Variants in SMAD9 observed in about 807,000 individuals in gnomAD.
SMAD9 encodes MAD homolog 9.
SMAD9 carries 36 observed loss-of-function variants against 46.1 expected under a neutral mutation model. That is an observed-to-expected ratio of 0.78 (90% CI 0.60 to 1.03). The LOEUF (loss-of-function observed/expected upper bound fraction) is 1.03, where lower values mean the gene tolerates loss of function less well. Among genes scored for constraint, SMAD9 ranks in the 50% least tolerant of loss-of-function variants. The pLI, the probability that SMAD9 is intolerant of heterozygous loss-of-function variation, is 0.00. For missense variants in SMAD9, 572 were observed against 599.8 expected (o/e 0.95, Z 0.48); for synonymous variants, 245 against 237.1 (o/e 1.03, Z -0.31).
chr13:36,910,678 C>T (rs1489115736), intron 1 of SMAD9, among the ~76,000 whole-genome samples: 1 of 152,182 alleles, frequency 6.6e-6, no homozygotes, highest in African/African-American at 2.4e-5. Flanking sequence ...ATCTTTCCTG[C>T]TCCTTCTTCA....
intron 1 of SMAD9, among the ~76,000 whole-genome samples, chr13:36,902,016 CTTTT>C (rs1301812861): frequency 6.6e-6 from 1 of 152,008 alleles, no homozygotes; most frequent in African/African-American, 2.4e-5. Context: ...AAATCTTTTT[CTTTT>C]GTTATTCATG....
At chr13:36,892,520 T>A (rs2058496080) in intron 1 of SMAD9, among the ~76,000 whole-genome samples, 2 of 152,214 alleles carry the variant, frequency 1.3e-5, no homozygotes, top group Admixed American at 6.5e-5. Context: ...TCAACCAAAA[T>A]TTTCCACTAA....
intron 6 of SMAD9, chr13:36,849,815 A>T (rs592492): frequency 0.065 from 9,851 of 152,124 alleles, 636 homozygotes; most frequent in African/African-American, 0.16. Flanking sequence ...TCCACCCATT[A>T]ATGCACTCTC....
At chr13:36,901,666 G>C (rs916596782) in intron 1 of SMAD9, among the ~76,000 whole-genome samples, 16 of 152,272 alleles carry the variant, frequency 1.1e-4, no homozygotes, top group African/African-American at 3.9e-4. Context: ...AGCCTCAAAT[G>C]ATCTCCCTGC....
Position 36,846,324 on chromosome 13 carries a change from T to C in SMAD9, c.*2352A>G, listed in dbSNP as rs1258786366. ...GGTGAAACCCCGTCTCTACTAAAAATATAAAAATTAGCTGGGCGTGGTAGC... is the reference window on the plus strand; with the variant it reads ...GGTGAAACCCCGTCTCTACTAAAAACATAAAAATTAGCTGGGCGTGGTAGC... On this transcript the variant is annotated 3_prime_UTR_variant, in exon 7 of 7. Coordinates refer to ENST00000379826, the MANE Select transcript of SMAD9 (RefSeq NM_001127217.3). The C allele has an allele frequency of 1.3e-5, 2 of 151,222 alleles. No individual in the cohort carries two copies. Among genetic ancestry groups the C allele is most frequent in the Non-Finnish European group, 2.9e-5 (2 of 67,814 alleles). 9.4% of individuals were successfully genotyped at this position (151,222 alleles called of 1,614,324 possible).
chr13:36,914,704 A>T (rs1048025448), intron 1 of SMAD9, among the ~76,000 whole-genome samples: 7 of 152,184 alleles, frequency 4.6e-5, no homozygotes, highest in Non-Finnish European at 1.0e-4. Context: ...TGGGAAACTG[A>T]TGGAATCTGT....
intron 1 of SMAD9, among the ~76,000 whole-genome samples, chr13:36,887,668 T>C (rs554142180): frequency 6.6e-6 from 1 of 152,090 alleles, no homozygotes; most frequent in African/African-American, 2.4e-5. Context: ...GTAAGGTCAG[T>C]GTGGTGTGTT....
In SMAD9 at chr13:36,877,483, T is replaced by G. The variant is rs2058356504; in HGVS notation, c.412+1795A>C. ...CAAGTTGTTAAATTTTACAACTACA[T>G]TATTCAGGAAGACAGAAATGATTTA... On this transcript the variant is annotated intron_variant, in intron 2 of 6. Coordinates refer to ENST00000379826, the MANE Select transcript of SMAD9 (RefSeq NM_001127217.3). Among the ~76,000 whole-genome samples the G allele has an allele frequency of 2.7e-5, 4 of 150,350 alleles. No individual in the cohort carries two copies. The South Asian group carries it at 8.5e-4, about 32-fold the overall frequency.
In SMAD9 at chr13:36,865,620, T is replaced by C. The variant is rs143817493; in HGVS notation, c.920A>G (p.Asn307Ser). The change falls in exon 5 of 7, where the codon AAC becomes AGC. Residue 307 changes from asparagine (N) to serine (S), a missense_variant. By Grantham distance (46) the Asn-to-Ser change is conservative. Transcript: ENST00000379826. ...LIDGFTDPSN[N>S]RNRFCLGLLS... Reference sequence around the variant, plus strand: ...AAGTCCAAGACAGAATCTGTTCCTGTTATTTGAAGGGTCGGTGAACCCATC... The same window carrying C: ...AAGTCCAAGACAGAATCTGTTCCTGCTATTTGAAGGGTCGGTGAACCCATC... The C allele has an allele frequency of 3.8e-5, 62 of 1,614,040 alleles. No homozygotes were observed. In the African/African-American group the frequency reaches 7.6e-4, roughly 20 times the overall value.
At chr13:36,895,766 G>T (rs2058522884) in intron 1 of SMAD9, among the ~76,000 whole-genome samples, 1 of 152,136 alleles carries the variant, frequency 6.6e-6, no homozygotes, top group South Asian at 2.1e-4. Context: ...TTTTTTTTAA[G>T]TTGGCCTAGG....
At chr13:36,880,607 C>A (rs2058394467) in intron 1 of SMAD9, among the ~76,000 whole-genome samples, 1 of 152,210 alleles carries the variant, frequency 6.6e-6, no homozygotes, top group Non-Finnish European at 1.5e-5. Flanking sequence ...TGGGAGTCCC[C>A]TGAGATCCTT....
intron 5 of SMAD9, among the ~76,000 whole-genome samples, chr13:36,859,172 T>G (rs1352639847): frequency 6.6e-6 from 1 of 152,226 alleles, no homozygotes; most frequent in African/African-American, 2.4e-5. Context: ...TATGTTAAAA[T>G]ATTTTTTAGG....
At chr13:36,891,768 T>C (rs778672432) in intron 1 of SMAD9, among the ~76,000 whole-genome samples, 2 of 152,116 alleles carry the variant, frequency 1.3e-5, no homozygotes, top group Non-Finnish European at 1.5e-5. Context: ...GCAGTTATGG[T>C]GTAACTGAGG....
At chr13:36,918,673 G>A (rs1482041125) in intron 1 of SMAD9, among the ~76,000 whole-genome samples, 9 of 152,114 alleles carry the variant, frequency 5.9e-5, no homozygotes, top group Admixed American at 5.9e-4. Flanking sequence ...ACAAGCACAG[G>A]GAAACTCTTA....
chr13:36,919,404 C>A (rs1259083585), intron 1 of SMAD9, among the ~76,000 whole-genome samples: 1 of 152,134 alleles, frequency 6.6e-6, no homozygotes, highest in African/African-American at 2.4e-5. Flanking sequence ...ACAAACACCC[C>A]GGCTCCGACA....
chr13:36,891,836 C>G (rs377641771), intron 1 of SMAD9, among the ~76,000 whole-genome samples: 27 of 152,334 alleles, frequency 1.8e-4, no homozygotes, highest in African/African-American at 5.1e-4. Context: ...CTCCTTCCAT[C>G]TGGCATCTGT....
chr13:36,905,041 G>A (rs554410552), intron 1 of SMAD9, among the ~76,000 whole-genome samples: 27 of 152,308 alleles, frequency 1.8e-4, no homozygotes, highest in Admixed American at 6.5e-4. Flanking sequence ...GAGGGAAGAC[G>A]GAGATGATTT....
rs1042827797 is a variant in SMAD9, at chr13:36,846,776, A to G, written c.*1900T>C. On this transcript the variant is annotated 3_prime_UTR_variant, in exon 7 of 7. Transcript: ENST00000379826. ...AAGAGTAAGGAAATAATTTCAAAAC[A>G]GAGATAAGAAATCAATCACATTCTT... 2 of 152,260 alleles carry G rather than the reference A, an allele frequency of 1.3e-5. No individual in the cohort carries two copies. Among genetic ancestry groups the G allele is most frequent in the Non-Finnish European group, 2.9e-5 (2 of 68,044 alleles). 9.4% of individuals were successfully genotyped at this position (152,260 alleles called of 1,614,324 possible).
At position 36,875,437 on chromosome 13, in the gene SMAD9, C is replaced by T. The variant is rs1456426529; in HGVS notation, c.413-2522G>A. Reference sequence around the variant, plus strand: ...GCAGAGAAACAAATAATTTCTTCCCCTTTTCTAAGCTATTGTATACGTATG... The same window carrying T: ...GCAGAGAAACAAATAATTTCTTCCCTTTTTCTAAGCTATTGTATACGTATG... On this transcript the variant is annotated intron_variant, in intron 2 of 6. Transcript: ENST00000379826. Among the ~76,000 whole-genome samples, 4 of 152,134 alleles carry T rather than the reference C, an allele frequency of 2.6e-5. No individual in the cohort carries two copies. In the East Asian group the frequency reaches 7.7e-4, roughly 29 times the overall value.
Sources: gnomAD v4.1 joint callset for allele counts (sites outside exome capture counted in the v4.1 genomes callset) on GRCh38, gnomAD v4.1.1 for gene constraint, MANE v1.5 for transcripts, NCBI Gene and HGNC (gene_info 2026-07-23, HGNC 2026-07-21) for gene names.